Variants in DYRK4 observed in about 807,000 individuals in gnomAD.
The protein encoded by DYRK4 is dual specificity tyrosine phosphorylation regulated kinase 4, also known as dual specificity tyrosine-phosphorylation-regulated kinase 4.
DYRK4 carries 64 observed loss-of-function variants against 68.3 expected under a neutral mutation model. The observed-to-expected ratio is 0.94, with a 90% CI of 0.77 to 1.15. The LOEUF is 1.15. Among genes scored for constraint, DYRK4 ranks in the 50% most tolerant of loss-of-function variants. The pLI, the probability that DYRK4 is intolerant of heterozygous loss-of-function variation, is 0.00. For synonymous variants in DYRK4, 274 were observed against 289.9 expected (o/e 0.95, Z 0.56); for missense variants, 740 against 764.7 (o/e 0.97, Z 0.38).
chr12:4,583,646 C>T (rs192562688), intron 2 of DYRK4, among the ~76,000 whole-genome samples: 168 of 152,224 alleles, frequency 1.1e-3, no homozygotes, highest in African/African-American at 3.2e-3. Context: ...CCACCTGCCT[C>T]GGCCTCCCAA....
At chr12:4,596,452 G>A (rs1284632223) in intron 7 of DYRK4, 137 bp from the exon 8 acceptor site, 21 of 1,494,476 alleles carry the variant, frequency 1.4e-5, no homozygotes, top group Non-Finnish European at 1.6e-5. Flanking sequence ...GGAGGTGAGA[G>A]TGTGGTATTT....
chr12:4,583,265 A>T (rs149015901), intron 2 of DYRK4, among the ~76,000 whole-genome samples: 89 of 152,038 alleles, frequency 5.9e-4, no homozygotes, highest in African/African-American at 2.0e-3. Flanking sequence ...GGCTCCTGCC[A>T]TTGCAAGTCT....
chr12:4,613,619 G>T lies in DYRK4; in HGVS notation c.1771G>T (p.Val591Phe), dbSNP rs1317308515. 1.2e-6 allele frequency: 2 copies of T among 1,614,116 alleles called. No individual in the cohort carries two copies. The highest frequency in any genetic ancestry group is 4.5e-5 in the East Asian group (2 of 44,874). ...CTGTCTCCAGCACGGAGCTGACACT[G>T]TTCAGCTGCCTCAACTGGTAGACGC... ...QDCLQHGADT[V>F]QLPQLVDAPK... Residue 591 changes from valine (V) to phenylalanine (F), a missense_variant, in exon 15 of 15, where the codon GTT becomes TTT. Physicochemically the swap from Val to Phe is conservative, Grantham distance 50. Coordinates refer to ENST00000543431, the MANE Select transcript of DYRK4 (RefSeq NM_001394779.1). The surrounding 1 kb of genome is among the most constrained non-coding windows in gnomAD (Gnocchi z 4.0).
intron 1 of DYRK4, among the ~76,000 whole-genome samples, chr12:4,564,955 AAC>A (rs568024886): frequency 9.5e-4 from 145 of 152,336 alleles, no homozygotes; most frequent in African/African-American, 3.3e-3. Context: ...TTCTTAGGCA[AAC>A]ACACGATTGA....
intron 9 of DYRK4, 107 bp downstream of exon 9, chr12:4,599,273 T>TTGG: frequency 2.9e-6 from 2 of 686,476 alleles, no homozygotes; most frequent in Non-Finnish European, 4.1e-6. Flanking sequence ...CCTTTGACTT[T>TTGG]TTTTTTTTTT....
chr12:4,604,823 GC>G (rs1354913461), intron 10 of DYRK4, 90 bp from the exon 11 acceptor site: 1 of 1,417,862 alleles, frequency 7.1e-7, no homozygotes, highest in Non-Finnish European at 9.3e-7. Context: ...GCCAGCGGGG[GC>G]GCAGTCTAAC....
At chr12:4,584,023 C>G (rs1944869668) in intron 2 of DYRK4, among the ~76,000 whole-genome samples, 1 of 152,098 alleles carries the variant, frequency 6.6e-6, no homozygotes, top group Middle Eastern at 3.2e-3. Context: ...TGTTTGTTGC[C>G]ATGGAATTTC....
Position 4,577,985 on chromosome 12 carries a change from C to A in DYRK4, c.132+9937C>A, listed in dbSNP as rs116563593. Among the ~76,000 whole-genome samples the A allele has an allele frequency of 8.6e-3, 1,301 of 152,134 alleles. 14 individuals carry two copies. Among genetic ancestry groups the A allele is most frequent in the African/African-American group, 0.029 (1,214 of 41,512 alleles). ...ACTTTTGTGTATTAATGTCTTTTAT[C>A]CTGCAGCTTTTATACAATCTTGGGT... On this transcript the variant is annotated intron_variant, in intron 2 of 14. Coordinates refer to ENST00000543431, the MANE Select transcript of DYRK4 (RefSeq NM_001394779.1).
chr12:4,591,400 G>A lies in DYRK4; in HGVS notation c.463+102G>A. On this transcript the variant is annotated intron_variant, in intron 5 of 14. Transcript: ENST00000543431. The surrounding 1 kb of genome is among the most constrained non-coding windows in gnomAD (Gnocchi z 4.1). ...GTGAGCTAAGCTGCCAGGTGTCAGA[G>A]TAGTCAAAGAAGGCAGCCAGCCAAG... 2.0e-6 allele frequency: 3 copies of A among 1,483,682 alleles called. No homozygotes were observed. Among genetic ancestry groups the A allele is most frequent in the Non-Finnish European group, 2.7e-6 (3 of 1,111,028 alleles). The allele number at this position is 1,483,682 out of a possible 1,614,324, so 91.9% of individuals were successfully genotyped here.
intron 10 of DYRK4, chr12:4,602,209 T>C: frequency 1.1e-6 from 1 of 925,160 alleles, no homozygotes. Context: ...GTTCATGTCT[T>C]CAATCTGCTT....
chr12:4,583,595 A>G (rs1944865484), intron 2 of DYRK4, among the ~76,000 whole-genome samples: 1 of 151,984 alleles, frequency 6.6e-6, no homozygotes, highest in Non-Finnish European at 1.5e-5. Flanking sequence ...GGGTTTCACC[A>G]TGTTTGCCAG....
chr12:4,592,791 T>C (rs1248156802), intron 5 of DYRK4: 3 of 514,482 alleles, frequency 5.8e-6, no homozygotes, highest in Non-Finnish European at 1.0e-5. Context: ...CTTGTGTTCC[T>C]TTCTCGATTT....
intron 6 of DYRK4, among the ~76,000 whole-genome samples, chr12:4,593,687 T>C (rs1158169825): frequency 6.6e-6 from 1 of 152,220 alleles, no homozygotes; most frequent in Non-Finnish European, 1.5e-5. Flanking sequence ...CTTCTGACTG[T>C]AGCCCTTGGC....
rs192811474 is a variant in DYRK4 at position 4,601,616 on chromosome 12, G to A, written c.1126+1828G>A. ...CATGTAAATGTATAAATATAAAGAA[G>A]ATATAAAAGGATTTGCACCACACTG... On this transcript the variant is annotated intron_variant, in intron 10 of 14. Coordinates refer to ENST00000543431, the MANE Select transcript of DYRK4 (RefSeq NM_001394779.1). 7.4e-4 allele frequency among the ~76,000 whole-genome samples: 113 copies of A among 152,230 alleles called. 1 individual carries two copies. The highest frequency in any genetic ancestry group is 1.3e-3 in the Admixed American group (20 of 15,286).
chr12:4,598,411 G>T (rs1945042812), intron 8 of DYRK4, among the ~76,000 whole-genome samples: 1 of 152,210 alleles, frequency 6.6e-6, no homozygotes, highest in South Asian at 2.1e-4. Flanking sequence ...TCAATGCATT[G>T]TATTAATATT....
At chr12:4,585,020 G>A (rs1944880747) in intron 2 of DYRK4, among the ~76,000 whole-genome samples, 1 of 152,122 alleles carries the variant, frequency 6.6e-6, no homozygotes, top group Admixed American at 6.5e-5. Flanking sequence ...GCAGAGGAGG[G>A]GCCCTGGGTC....
In DYRK4 at chr12:4,610,228, G is replaced by C. The variant is rs189541724; in HGVS notation, c.1434G>C (p.Thr478=). Residue 478 remains threonine, a synonymous_variant, in exon 13 of 15, where the codon ACG becomes ACC. Coordinates refer to ENST00000543431, the MANE Select transcript of DYRK4 (RefSeq NM_001394779.1). The part of the protein sequence containing the change: ...KKRYPDSKDL[T]MVLKTYDTSF... ...GATACCCAGATTCCAAGGACCTCAC[G>C]ATGGTGCTGAAAACCTATGACACCA... 6.3e-7 allele frequency: 1 copy of C among 1,599,374 alleles called. No individual in the cohort carries two copies. The highest frequency in any genetic ancestry group is 8.5e-7 in the Non-Finnish European group (1 of 1,174,236).
At chr12:4,598,603 C>T (rs915244585) in intron 8 of DYRK4, among the ~76,000 whole-genome samples, 2 of 152,186 alleles carry the variant, frequency 1.3e-5, no homozygotes, top group Non-Finnish European at 2.9e-5. Flanking sequence ...CCCATCTGCC[C>T]ACTCTCTTGT....
intron 13 of DYRK4, among the ~76,000 whole-genome samples, chr12:4,611,758 C>T (rs1338916148): frequency 6.6e-6 from 1 of 152,116 alleles, no homozygotes; most frequent in Non-Finnish European, 1.5e-5. Context: ...GCTAAAATAT[C>T]CTTATTTCAG....
Sources: gnomAD v4.1 joint callset for allele counts (sites outside exome capture counted in the v4.1 genomes callset) on GRCh38, gnomAD v4.1.1 for gene constraint, Gnocchi (gnomAD v3.1) non-coding constraint, MANE v1.5 for transcripts, NCBI Gene and HGNC (gene_info 2026-07-23, HGNC 2026-07-21) for gene names.